The following TCEA2 variants were observed in gnomAD, a reference collection of about 807,000 sequenced individuals.
TCEA2 encodes transcription elongation factor A2.
A neutral mutation model predicts 40.8 loss-of-function variants in TCEA2; 21 were observed. That is an observed-to-expected ratio of 0.51 (90% CI 0.36 to 0.74). TCEA2 has a LOEUF of 0.74. Among genes scored for constraint, TCEA2 ranks in the 30% least tolerant of loss-of-function variants. The pLI, the probability that TCEA2 is intolerant of heterozygous loss-of-function variation, is 0.00. For synonymous variants in TCEA2, 165 were observed against 162.7 expected (o/e 1.01, Z -0.11); for missense variants, 326 against 426.5 (o/e 0.76, Z 2.08).
intron 1 of TCEA2, 160 bp from the exon 2 acceptor site, chr20:64,066,316 G>T (rs1431200923): frequency 9.2e-6 from 7 of 760,638 alleles, no homozygotes; most frequent in Non-Finnish European, 1.3e-5. Flanking sequence ...TGTGGGCAGA[G>T]CCCTGGGTGT....
chr20:64,068,796 C>T (rs1435952073), intron 4 of TCEA2, among the ~76,000 whole-genome samples: 1 of 152,270 alleles, frequency 6.6e-6, no homozygotes, highest in African/African-American at 2.4e-5. Context: ...TAGGTGGATG[C>T]AGCCTGGTCG....
At chr20:64,059,193 CAAAAAAA>C (rs60812317), upstream of TCEA2, among the ~76,000 whole-genome samples, 1 of 91,242 alleles carries the variant, frequency 1.1e-5, no homozygotes, top group Non-Finnish European at 2.2e-5. Flanking sequence ...AACTCTGTCT[CAAAAAAA>C]AAAAAAAAAA....
chr20:64,060,923 G>A (rs1353422952), upstream of TCEA2, among the ~76,000 whole-genome samples: 2 of 151,542 alleles, frequency 1.3e-5, no homozygotes, highest in Non-Finnish European at 2.9e-5. Context: ...CTGAGTAGTT[G>A]GGACTACAGG....
At chr20:64,070,938 A>C (rs2059814837) in intron 8 of TCEA2, among the ~76,000 whole-genome samples, 1 of 148,064 alleles carries the variant, frequency 6.8e-6, no homozygotes, top group Non-Finnish European at 1.5e-5. Context: ...TGTTGGTGGG[A>C]GGGCCGTGCT....
chr20:64,072,099 A>C (rs2059852503), intron 9 of TCEA2, 73 bp from the exon 10 acceptor site: 7 of 1,605,012 alleles, frequency 4.4e-6, no homozygotes, highest in Non-Finnish European at 6.0e-6. Context: ...GCCTTGGGTG[A>C]GCCTGTGCGG....
chr20:64,056,534 TG>T (rs1393880172), upstream of TCEA2, among the ~76,000 whole-genome samples: 1 of 87,300 alleles, frequency 1.1e-5, no homozygotes, highest in African/African-American at 4.9e-5. Flanking sequence ...TGGCAGGGGG[TG>T]GGGGCTCCTG....
At chr20:64,057,670 G>A (rs1023984019) in intron 1 of TCEA2, 1 of 152,272 alleles carries the variant, frequency 6.6e-6, no homozygotes, top group African/African-American at 2.4e-5. Context: ...GCTCCAGGAG[G>A]GGTCTGCTGG....
Position 64,072,213 on chromosome 20 carries a change from C to T in TCEA2, c.*33C>T. The T allele has an allele frequency of 6.2e-7, 1 of 1,603,120 alleles. No individual in the cohort carries two copies. On this transcript the variant is annotated 3_prime_UTR_variant, in exon 10 of 10. Coordinates refer to ENST00000343484, the MANE Select transcript of TCEA2 (RefSeq NM_003195.6). ...TGTAGATGTGCTGCAGCCTTGGGCC[C>T]TCCCCGGCCCACGTCCTCCGTTGAC... is the stretch of plus-strand genomic sequence containing the variant.
At chr20:64,066,022 G>A (rs903730513) in intron 1 of TCEA2, 1 of 145,126 alleles carries the variant, frequency 6.9e-6, no homozygotes, top group African/African-American at 2.7e-5. Flanking sequence ...AGGCTGCCCT[G>A]CGCATCAGGG....
intron 2 of TCEA2, 58 bp downstream of exon 2, chr20:64,066,596 C>T: frequency 6.3e-7 from 1 of 1,585,458 alleles, no homozygotes; most frequent in Non-Finnish European, 8.6e-7. Context: ...CAGGGGATGG[C>T]AGTTCTGAGG....
Position 64,072,244 on chromosome 20 carries a change from T to G in TCEA2, c.*64T>G, listed in dbSNP as rs777103084. Reference sequence around the variant, plus strand: ...GGCCCACGTCCTCCGTTGACACAGCTTCTCTGGAGACCCTAGAAGGCGGCA... The same window carrying G: ...GGCCCACGTCCTCCGTTGACACAGCGTCTCTGGAGACCCTAGAAGGCGGCA... On this transcript the variant is annotated 3_prime_UTR_variant, in exon 10 of 10. Coordinates refer to ENST00000343484, the MANE Select transcript of TCEA2 (RefSeq NM_003195.6). 9 of 1,575,244 alleles carry G rather than the reference T, an allele frequency of 5.7e-6. No individual in the cohort carries two copies. The highest frequency in any genetic ancestry group is 6.9e-6 in the Non-Finnish European group (8 of 1,151,860).
chr20:64,070,045 C>A, intron 6 of TCEA2: 1 of 877,956 alleles, frequency 1.1e-6, no homozygotes, highest in Non-Finnish European at 1.8e-6. Context: ...TCCCCTGGGG[C>A]TGTAGCCTGA....
chr20:64,070,449 C>T lies in TCEA2; in HGVS notation c.672+35C>T, dbSNP rs373015978. 3.1e-4 allele frequency: 501 copies of T among 1,613,664 alleles called. 1 individual carries two copies. The highest frequency in any genetic ancestry group is 5.5e-4 in the Admixed American group (33 of 60,000). ...TGTTGGAGGGGCTGGAGGGCTGCTC[C>T]CTCGGAGCGGTGGGCTAAGCCACTG... On this transcript the variant is annotated intron_variant, in intron 7 of 9. Coordinates refer to ENST00000343484, the MANE Select transcript of TCEA2 (RefSeq NM_003195.6).
intron 1 of TCEA2, chr20:64,064,283 G>A (rs550442533): frequency 7.2e-5 from 11 of 152,422 alleles, no homozygotes; most frequent in Admixed American, 3.3e-4. Context: ...CTGCGGCCTG[G>A]GCCTCTGTTG....
intron 4 of TCEA2, among the ~76,000 whole-genome samples, chr20:64,068,832 G>T (rs1347434917): frequency 1.3e-5 from 2 of 152,254 alleles, no homozygotes; most frequent in Non-Finnish European, 2.9e-5. Context: ...TTGGGGTCCA[G>T]CCCTGAGGGG....
rs140201962 is a variant in TCEA2 at position 64,069,418 on chromosome 20, T to C, written c.387T>C (p.Pro129=). 510 of 1,612,910 alleles carry C rather than the reference T, an allele frequency of 3.2e-4. 4 individuals carry two copies. In the African/African-American group the frequency reaches 6.3e-3, roughly 20 times the overall value. Residue 129 remains proline (P), a synonymous_variant, in exon 5 of 10, where the codon CCT becomes CCC. Coordinates refer to ENST00000343484, the MANE Select transcript of TCEA2 (RefSeq NM_003195.6). ...CGACTCCGAGGATCACCACATTTCC[T>C]CCGGTGCCTGTCACCTGTGATGCCG... ...APSTPRITTF[P]PVPVTCDAVR... is the part of the protein sequence containing the mutation.
upstream of TCEA2, chr20:64,057,049 G>C (rs1394509757): frequency 6.6e-6 from 1 of 152,302 alleles, no homozygotes; most frequent in Non-Finnish European, 1.5e-5. Context: ...GGTGAGGCTG[G>C]CTGCAGGTGA....
Position 64,072,287 on chromosome 20 carries a change from G to T in TCEA2, c.*107G>T. 1 of 1,269,640 alleles carries T rather than the reference G, an allele frequency of 7.9e-7. No homozygotes were observed. The highest frequency in any genetic ancestry group is 1.1e-6 in the Non-Finnish European group (1 of 899,532). The allele number at this position is 1,269,640 out of a possible 1,614,324, so 78.6% of individuals were successfully genotyped here. The stretch of plus-strand genomic sequence containing the variant: ...AGGCGGCATGTCCTGCCCTCAACCT[G>T]CCTGCCTGGATTGCACCTTTCTGCC... On this transcript the variant is annotated 3_prime_UTR_variant, in exon 10 of 10. Coordinates refer to ENST00000343484, the MANE Select transcript of TCEA2 (RefSeq NM_003195.6).
chr20:64,067,056 AG>A, intron 3 of TCEA2, 36 bp downstream of exon 3: 1 of 1,574,672 alleles, frequency 6.4e-7, no homozygotes, highest in Middle Eastern at 1.7e-4. Flanking sequence ...GTGCTGGGGC[AG>A]GGGTCCCAGA....
Sources: allele counts gnomAD v4.1 joint callset (sites outside exome capture counted in the v4.1 genomes callset), GRCh38; gene constraint gnomAD v4.1.1; transcripts MANE v1.5; gene names NCBI Gene and HGNC (gene_info 2026-07-23, HGNC 2026-07-21).